TMEM178B: variants seen among roughly 807,000 people sequenced by gnomAD.
The protein encoded by TMEM178B is transmembrane protein 178B.
TMEM178B carries 5 observed loss-of-function variants against 31.0 expected under a neutral mutation model. The observed-to-expected ratio is 0.16, with a 90% CI of 0.08 to 0.34. The LOEUF is 0.34. Ranked by LOEUF, TMEM178B falls within the 10% of genes least tolerant of loss-of-function variation. The pLI, the probability that TMEM178B is intolerant of heterozygous loss-of-function variation, is 1.00. For missense variants in TMEM178B, 275 were observed against 400.3 expected (o/e 0.69, Z 2.67); for synonymous variants, 164 against 164.0 (o/e 1.00, Z 0.00).
intron 1 of TMEM178B, among the ~76,000 whole-genome samples, chr7:141,138,123 G>T (rs1437805610): frequency 6.6e-6 from 1 of 150,810 alleles, no homozygotes; most frequent in African/African-American, 2.4e-5. Context: ...GTGCAGTGGC[G>T]CCATCTCGGC....
chr7:141,175,375 T>G (rs936566049), intron 1 of TMEM178B, among the ~76,000 whole-genome samples: 1 of 152,202 alleles, frequency 6.6e-6, no homozygotes, highest in African/African-American at 2.4e-5. Context: ...CCTTGTAGTA[T>G]AGTTTGACAT....
In TMEM178B at chr7:141,344,606, T is replaced by TCCTTCCTTCCTTCCTC. The variant is rs1554478073; in HGVS notation, c.497-92987_497-92986insCCCTTCCTTCCTTCCT. ...TTCCTTCCTTCCTTCCTTCCTTCCTTCCTTCCTTCCTTCCTTCCTTCCTCC... is the reference window on the plus strand; with the variant it reads ...TTCCTTCCTTCCTTCCTTCCTTCCTTCCTTCCTTCCTTCCTCCCTTCCTTCCTTCCTTCCTTCCTCC... On this transcript the variant is annotated intron_variant, in intron 2 of 3. Transcript: ENST00000565468. This position sits in a 1 kb window ranked among gnomAD's most constrained non-coding sequence, Gnocchi z 4.1. Among the ~76,000 whole-genome samples the TCCTTCCTTCCTTCCTC allele has an allele frequency of 1.3e-5, 2 of 150,096 alleles. No individual in the cohort carries two copies. Among genetic ancestry groups the TCCTTCCTTCCTTCCTC allele is most frequent in the Non-Finnish European group, 3.0e-5 (2 of 67,594 alleles).
chr7:141,299,441 T>C (rs931794580), intron 2 of TMEM178B, among the ~76,000 whole-genome samples: 1 of 152,186 alleles, frequency 6.6e-6, no homozygotes, highest in African/African-American at 2.4e-5. Flanking sequence ...ATGTCACTCT[T>C]TGCACCCAAA....
At chr7:141,088,467 A>G (rs554204191) in intron 1 of TMEM178B, among the ~76,000 whole-genome samples, 2 of 150,012 alleles carry the variant, frequency 1.3e-5, no homozygotes, top group African/African-American at 4.9e-5. Context: ...ATCCTTCAGA[A>G]TTCCACTTCT....
chr7:141,299,864 G>T (rs896167603), intron 2 of TMEM178B, among the ~76,000 whole-genome samples: 1 of 152,012 alleles, frequency 6.6e-6, no homozygotes, highest in Non-Finnish European at 1.5e-5. Context: ...CAGCTCAGTG[G>T]AGCCTTGAAC....
At chr7:141,481,497 A>G (rs1269418117), downstream of TMEM178B, among the ~76,000 whole-genome samples, 1 of 152,154 alleles carries the variant, frequency 6.6e-6, no homozygotes, top group African/African-American at 2.4e-5. Context: ...AAACCATGAC[A>G]GTGATTAGTG....
intron 2 of TMEM178B, among the ~76,000 whole-genome samples, chr7:141,218,023 C>T (rs1346417009): frequency 6.6e-6 from 1 of 151,962 alleles, no homozygotes; most frequent in African/African-American, 2.4e-5. Flanking sequence ...TCCAGCTGGC[C>T]AGGGAGGGAA....
rs757093401 is a variant in TMEM178B at position 141,157,044 on chromosome 7, C to T, written c.383-55547C>T. Among the ~76,000 whole-genome samples, 5 of 152,144 alleles carry T rather than the reference C, an allele frequency of 3.3e-5. No individual in the cohort carries two copies. The South Asian group carries it at 6.2e-4, about 19-fold the overall frequency. On this transcript the variant is annotated intron_variant, in intron 1 of 3. Transcript: ENST00000565468. ...CTTTCAGTTTTCTGGGGCCAGCAGA[C>T]GACCCTGAGTATATCCTTCTCTTAG... is the stretch of plus-strand genomic sequence containing the variant.
chr7:141,288,404 T>C (rs763133752), intron 2 of TMEM178B, among the ~76,000 whole-genome samples: 4 of 151,970 alleles, frequency 2.6e-5, no homozygotes, highest in Non-Finnish European at 4.4e-5. Context: ...TCCTCATCTG[T>C]TGCAGCTTCA....
intron 2 of TMEM178B, among the ~76,000 whole-genome samples, chr7:141,281,887 C>A (rs1798367975): frequency 6.6e-6 from 1 of 152,044 alleles, no homozygotes; most frequent in Non-Finnish European, 1.5e-5. Flanking sequence ...TTTGTGTATA[C>A]CTGGAACTGT....
chr7:141,212,553 G>A (rs1178857860), intron 1 of TMEM178B, 38 bp from the exon 2 acceptor site: 8 of 1,506,916 alleles, frequency 5.3e-6, no homozygotes, highest in African/African-American at 4.1e-5. Context: ...TGTGGTTGCT[G>A]CTTCCTTAAC....
At chr7:141,124,059 C>T (rs770571357) in intron 1 of TMEM178B, among the ~76,000 whole-genome samples, 7 of 151,968 alleles carry the variant, frequency 4.6e-5, no homozygotes, top group Non-Finnish European at 8.8e-5. Flanking sequence ...CAGGCCTGAA[C>T]ACTCTGTTTT....
intron 1 of TMEM178B, among the ~76,000 whole-genome samples, chr7:141,150,029 A>G (rs1280649579): frequency 6.6e-6 from 1 of 152,136 alleles, no homozygotes; most frequent in Non-Finnish European, 1.5e-5. Flanking sequence ...AACTGAGGAC[A>G]AACTACATTT....
At chr7:141,240,675 G>A (rs1188930217) in intron 2 of TMEM178B, among the ~76,000 whole-genome samples, 1 of 152,220 alleles carries the variant, frequency 6.6e-6, no homozygotes, top group Non-Finnish European at 1.5e-5. Flanking sequence ...GATCTCCTTT[G>A]CCTTTGGCAA....
Position 141,261,433 on chromosome 7 carries a change from G to A in TMEM178B, c.496+48729G>A, listed in dbSNP as rs1031452527. 5.3e-5 allele frequency among the ~76,000 whole-genome samples: 8 copies of A among 152,160 alleles called. 1 individual carries two copies. In the South Asian group the frequency reaches 8.3e-4, roughly 16 times the overall value. On this transcript the variant is annotated intron_variant, in intron 2 of 3. Transcript: ENST00000565468. ...GTTAGAACCTTTGTCTGCAGGAAAC[G>A]CTACCATTGGGGTATAGGTGGAACT...
At chr7:141,407,899 T>A (rs1800913498) in intron 2 of TMEM178B, among the ~76,000 whole-genome samples, 1 of 152,232 alleles carries the variant, frequency 6.6e-6, no homozygotes, top group Admixed American at 6.5e-5. Flanking sequence ...GTAACTAACA[T>A]GTATATGATG....
intron 2 of TMEM178B, among the ~76,000 whole-genome samples, chr7:141,277,399 C>G (rs1394871687): frequency 3.3e-5 from 5 of 152,166 alleles, no homozygotes; most frequent in Admixed American, 3.3e-4. Flanking sequence ...ATCAATCTCG[C>G]TGTCTTCCAC....
chr7:141,143,377 T>A (rs1324222735), intron 1 of TMEM178B, among the ~76,000 whole-genome samples: 1 of 152,236 alleles, frequency 6.6e-6, no homozygotes, highest in African/African-American at 2.4e-5. Flanking sequence ...TCATCTATAT[T>A]GAGGTAATTT....
intron 2 of TMEM178B, among the ~76,000 whole-genome samples, chr7:141,299,521 C>T (rs1236723627): frequency 2.0e-5 from 3 of 152,308 alleles, no homozygotes; most frequent in South Asian, 2.1e-4. Context: ...CTCCCTTCTG[C>T]AGGCCTCCCT....
Sources: allele counts gnomAD v4.1 joint callset (sites outside exome capture counted in the v4.1 genomes callset), GRCh38; gene constraint gnomAD v4.1.1; non-coding constraint Gnocchi (gnomAD v3.1); transcripts MANE v1.5; gene names NCBI Gene and HGNC (gene_info 2026-07-23, HGNC 2026-07-21).